The following SNX29 variants were observed in gnomAD, a reference collection of about 807,000 sequenced individuals.
The protein encoded by SNX29 is sorting nexin-29.
Under a neutral mutation model 102.1 loss-of-function variants are expected in SNX29, and 78 were observed. The observed-to-expected ratio is 0.76, with a 90% confidence interval of 0.64 to 0.92. SNX29 has a LOEUF of 0.92. Ranked by LOEUF, SNX29 falls within the 40% of genes least tolerant of loss-of-function variation. The pLI, the probability that SNX29 is intolerant of heterozygous loss-of-function variation, is 0.00. For missense variants in SNX29, 1,280 were observed against 1,061.7 expected (o/e 1.21, Z -2.86); for synonymous variants, 580 against 414.5 (o/e 1.40, Z -4.85).
At chr16:12,529,238 A>C (rs2076867649) in intron 20 of SNX29, among the ~76,000 whole-genome samples, 1 of 152,318 alleles carries the variant, frequency 6.6e-6, no homozygotes, top group South Asian at 2.1e-4. Context: ...AGGGGGGACC[A>C]GAGTCTACTC....
intron 15 of SNX29, among the ~76,000 whole-genome samples, chr16:12,280,663 A>G (rs1157783621): frequency 6.6e-6 from 1 of 152,198 alleles, no homozygotes; most frequent in Admixed American, 6.5e-5. Context: ...TTTTGGTTGC[A>G]AAGACAGGTT....
intron 18 of SNX29, among the ~76,000 whole-genome samples, chr16:12,476,383 A>AATATATATATATATATAT (rs1567603099): frequency 1.1e-4 from 1 of 9,486 alleles, no homozygotes; most frequent in Non-Finnish European, 2.2e-4. Flanking sequence ...AAAAAAAAAA[A>AATATATATATATATATAT]ATATATATAT....
rs115413163 is a variant in SNX29, at chr16:12,500,864, C to A, written c.2178+23005C>A. ...ATCAGATTGGACCCTTCCAATGAGA[C>A]CCTTTCCTGTCTCCTTCCTCCCCGC... On this transcript the variant is annotated intron_variant, in intron 19 of 20. Coordinates refer to ENST00000566228, the MANE Select transcript of SNX29 (RefSeq NM_032167.5). Among the ~76,000 whole-genome samples the A allele has an allele frequency of 2.9e-3, 436 of 152,314 alleles. 1 individual carries two copies. Among genetic ancestry groups the A allele is most frequent in the African/African-American group, 9.5e-3 (394 of 41,564 alleles).
At chr16:12,551,460 G>C (rs558525724) in intron 20 of SNX29, among the ~76,000 whole-genome samples, 1 of 152,174 alleles carries the variant, frequency 6.6e-6, no homozygotes, top group Admixed American at 6.5e-5. Flanking sequence ...TAAAAATACA[G>C]AGGCCAGGCC....
intron 20 of SNX29, among the ~76,000 whole-genome samples, chr16:12,539,396 T>C (rs778158361): frequency 6.6e-6 from 1 of 152,164 alleles, no homozygotes; most frequent in African/African-American, 2.4e-5. Context: ...TCAGCATGTG[T>C]GAGAACCGTC....
chr16:12,203,092 A>G (rs1035686553), intron 14 of SNX29, among the ~76,000 whole-genome samples: 8 of 148,864 alleles, frequency 5.4e-5, no homozygotes, highest in Admixed American at 4.7e-4. Context: ...CAAGTTGTGT[A>G]GTGTGGCCCC....
At chr16:12,433,965 C>T (rs981150316) in intron 18 of SNX29, among the ~76,000 whole-genome samples, 13 of 152,300 alleles carry the variant, frequency 8.5e-5, no homozygotes, top group African/African-American at 1.2e-4. Context: ...ACTTGCTGGC[C>T]AGAGTATCTG....
intron 13 of SNX29, among the ~76,000 whole-genome samples, chr16:12,133,206 A>G (rs537680014): frequency 1.1e-4 from 16 of 149,738 alleles, no homozygotes; most frequent in African/African-American, 3.7e-4. Flanking sequence ...GGGTCAGACC[A>G]TGGCTCTCCT....
intron 1 of SNX29, among the ~76,000 whole-genome samples, chr16:11,978,452 T>G (rs540840000): frequency 1.3e-5 from 2 of 152,314 alleles, no homozygotes; most frequent in East Asian, 3.9e-4. Flanking sequence ...ACCTATCTCC[T>G]AGGCTTGTAA....
intron 13 of SNX29, among the ~76,000 whole-genome samples, chr16:12,163,468 C>G (rs1248643471): frequency 6.6e-6 from 1 of 152,110 alleles, no homozygotes; most frequent in African/African-American, 2.4e-5. Context: ...AGACCAGAGG[C>G]CTGCACACCA....
intron 18 of SNX29, among the ~76,000 whole-genome samples, chr16:12,409,421 C>CTTTT (rs71139589): frequency 3.8e-3 from 344 of 89,630 alleles, no homozygotes; most frequent in Middle Eastern, 8.2e-3. Context: ...GATTCACTGT[C>CTTTT]TTTTTTTTTT....
chr16:12,276,538 C>T (rs2079257579), intron 14 of SNX29, among the ~76,000 whole-genome samples: 1 of 152,160 alleles, frequency 6.6e-6, no homozygotes, highest in Non-Finnish European at 1.5e-5. Context: ...GGGCTAGTCT[C>T]AGATCCTTGT....
chr16:12,430,045 C>T (rs1434340501), intron 18 of SNX29, among the ~76,000 whole-genome samples: 1 of 152,252 alleles, frequency 6.6e-6, no homozygotes, highest in African/African-American at 2.4e-5. Flanking sequence ...TGAGCTCCGC[C>T]TCCTGTCAGA....
At chr16:12,401,470 T>C (rs931608106) in intron 17 of SNX29, among the ~76,000 whole-genome samples, 4 of 151,338 alleles carry the variant, frequency 2.6e-5, no homozygotes, top group African/African-American at 9.7e-5. Context: ...TTCAAGTGAT[T>C]CTCCTGCCTC....
chr16:12,527,338 C>G (rs1190535369), intron 20 of SNX29: 2 of 521,892 alleles, frequency 3.8e-6, no homozygotes, highest in Non-Finnish European at 7.4e-6. Flanking sequence ...AAAGCTGAGC[C>G]TGAGAGATTT....
At chr16:12,261,529 C>T (rs545413281) in intron 14 of SNX29, among the ~76,000 whole-genome samples, 13 of 118,046 alleles carry the variant, frequency 1.1e-4, no homozygotes, top group Non-Finnish European at 1.6e-4. Context: ...GGTCTGTGCA[C>T]GTGTCCCCGG....
chr16:12,035,283 C>G (rs1472223982), intron 4 of SNX29, among the ~76,000 whole-genome samples: 1 of 149,806 alleles, frequency 6.7e-6, no homozygotes, highest in Admixed American at 6.7e-5. Flanking sequence ...GCAATCATGG[C>G]TCTCTGCAGC....
At chr16:12,563,753 C>T (rs976178674) in intron 20 of SNX29, among the ~76,000 whole-genome samples, 1 of 152,234 alleles carries the variant, frequency 6.6e-6, no homozygotes, top group East Asian at 1.9e-4. Context: ...CCAACAGCCA[C>T]AACTTCTCCA....
At chr16:12,551,986 A>G (rs1360868332) in intron 20 of SNX29, among the ~76,000 whole-genome samples, 2 of 152,176 alleles carry the variant, frequency 1.3e-5, no homozygotes, top group African/African-American at 4.8e-5. Flanking sequence ...TGCCATGTCA[A>G]AGTAGCTCCT....
Sources: gnomAD v4.1 joint callset for allele counts (sites outside exome capture counted in the v4.1 genomes callset) on GRCh38, gnomAD v4.1.1 for gene constraint, MANE v1.5 for transcripts, NCBI Gene and HGNC (gene_info 2026-07-23, HGNC 2026-07-21) for gene names.